The following XRCC4 variants were observed in gnomAD, a reference collection of about 807,000 sequenced individuals.
The protein encoded by XRCC4 is DNA repair protein XRCC4.
A neutral mutation model predicts 39.1 loss-of-function variants in XRCC4; 28 were observed. The observed-to-expected ratio is 0.72, with a 90% confidence interval of 0.53 to 0.98. The LOEUF is 0.98. XRCC4 is among the 50% of genes least tolerant of loss of function. The pLI is 0.00. For missense variants in XRCC4, 350 were observed against 376.4 expected, an observed-to-expected ratio of 0.93 and a Z score of 0.58; for synonymous variants, 123 against 126.4, an observed-to-expected ratio of 0.97 and a Z score of 0.18.
At chr5:83,135,124 A>G (rs1231830100) in intron 3 of XRCC4, among the ~76,000 whole-genome samples, 1 of 152,196 alleles carries the variant, frequency 6.6e-6, no homozygotes, top group Non-Finnish European at 1.5e-5. Flanking sequence ...ACCGTCTGTC[A>G]TGGCATCCCT....
At chr5:83,148,329 T>G (rs1468538621) in intron 3 of XRCC4, among the ~76,000 whole-genome samples, 1 of 152,188 alleles carries the variant, frequency 6.6e-6, no homozygotes, top group African/African-American at 2.4e-5. Flanking sequence ...TTCTTTCTGT[T>G]TTTTAGATAA....
intron 7 of XRCC4, among the ~76,000 whole-genome samples, chr5:83,351,607 G>A (rs1269570338): frequency 6.6e-6 from 1 of 152,074 alleles, no homozygotes; most frequent in Non-Finnish European, 1.5e-5. Flanking sequence ...TTAATTCCAT[G>A]TTACAATAAT....
chr5:83,250,856 A>C (rs28360219), intron 6 of XRCC4, among the ~76,000 whole-genome samples: 2 of 152,236 alleles, frequency 1.3e-5, no homozygotes, highest in Non-Finnish European at 2.9e-5. Context: ...ATATTTGACA[A>C]TGGAAAAGAA....
intron 7 of XRCC4, among the ~76,000 whole-genome samples, chr5:83,345,387 G>C (rs947576646): frequency 6.6e-6 from 1 of 152,034 alleles, no homozygotes; most frequent in African/African-American, 2.4e-5. Context: ...ATGCTTGTTT[G>C]ACTTCTGACA....
At chr5:83,173,629 A>G (rs1749826960) in intron 3 of XRCC4, among the ~76,000 whole-genome samples, 2 of 152,202 alleles carry the variant, frequency 1.3e-5, no homozygotes, top group East Asian at 3.8e-4. Flanking sequence ...AGAGTATGTT[A>G]GTCAGGGGAA....
At chr5:83,126,865 C>T (rs1039274098) in intron 3 of XRCC4, among the ~76,000 whole-genome samples, 2 of 152,200 alleles carry the variant, frequency 1.3e-5, no homozygotes, top group African/African-American at 4.8e-5. Flanking sequence ...AGATTATTCT[C>T]CAGCCTTATG....
intron 6 of XRCC4, among the ~76,000 whole-genome samples, chr5:83,234,097 A>G (rs1198118615): frequency 6.6e-6 from 1 of 152,126 alleles, no homozygotes; most frequent in East Asian, 1.9e-4. Flanking sequence ...GGAGAAAATT[A>G]GGTAATCTGC....
At chr5:83,244,797 T>C (rs1029756738) in intron 6 of XRCC4, among the ~76,000 whole-genome samples, 4 of 152,184 alleles carry the variant, frequency 2.6e-5, no homozygotes, top group African/African-American at 7.2e-5. Flanking sequence ...ATTTCTCTTC[T>C]TTCAGGAAGC....
chr5:83,367,538 G>A, the XRCC4 span, among the ~76,000 whole-genome samples: 2 of 152,092 alleles, frequency 1.3e-5, no homozygotes, highest in Middle Eastern at 3.2e-3. Flanking sequence ...CTCCCTGAAA[G>A]AGCTTCCTCA....
intron 6 of XRCC4, among the ~76,000 whole-genome samples, chr5:83,243,210 A>G (rs910134442): frequency 6.6e-6 from 1 of 152,236 alleles, no homozygotes; most frequent in African/African-American, 2.4e-5. Flanking sequence ...TTTCATAATG[A>G]TAAAGAAGGT....
intron 3 of XRCC4, among the ~76,000 whole-genome samples, chr5:83,191,471 G>A (rs978414838): frequency 6.6e-6 from 1 of 152,202 alleles, no homozygotes; most frequent in Admixed American, 6.5e-5. Flanking sequence ...TTGGGAGGCC[G>A]AGGTGGGCAG....
At chr5:83,186,397 C>G (rs1431196031) in intron 3 of XRCC4, among the ~76,000 whole-genome samples, 1 of 152,186 alleles carries the variant, frequency 6.6e-6, no homozygotes, top group East Asian at 1.9e-4. Context: ...CATCCAGCTC[C>G]TAGAGGCTTT....
chr5:83,133,925 C>T (rs1258967005), intron 3 of XRCC4, among the ~76,000 whole-genome samples: 1 of 152,184 alleles, frequency 6.6e-6, no homozygotes, highest in East Asian at 1.9e-4. Flanking sequence ...GAGCTGGCTC[C>T]CTCTGCTGGC....
At position 83,102,123 on chromosome 5, in the gene XRCC4, G is replaced by A. The variant is rs1303643899; in HGVS notation, c.-10-2787G>A. Among the ~76,000 whole-genome samples, 3 of 152,190 alleles carry A rather than the reference G, an allele frequency of 2.0e-5. No individual in the cohort carries two copies. In the East Asian group the frequency reaches 5.8e-4, roughly 29 times the overall value. ...ATTTCCTTGAAATTATAGAAGTGCAGTATTTAGGATGAAGTAATAGTCTTT... is the reference window on the plus strand; with the variant it reads ...ATTTCCTTGAAATTATAGAAGTGCAATATTTAGGATGAAGTAATAGTCTTT... On this transcript the variant is annotated intron_variant, in intron 1 of 7. Coordinates refer to ENST00000396027, the MANE Select transcript of XRCC4 (RefSeq NM_003401.5).
intron 3 of XRCC4, among the ~76,000 whole-genome samples, chr5:83,171,684 GC>G (rs1749732209): frequency 6.6e-6 from 1 of 152,062 alleles, no homozygotes; most frequent in African/African-American, 2.4e-5. Flanking sequence ...GACTTTGTAA[GC>G]CCTAGCCTGG....
chr5:83,195,973 A>T (rs773609122), intron 4 of XRCC4, 37 bp downstream of exon 4: 6 of 1,530,278 alleles, frequency 3.9e-6, no homozygotes. Context: ...AAAAATACGG[A>T]GCCCTCTTTA....
At chr5:83,188,524 A>G (rs1187898016) in intron 3 of XRCC4, among the ~76,000 whole-genome samples, 1 of 152,160 alleles carries the variant, frequency 6.6e-6, no homozygotes. Context: ...TGCTTTATAA[A>G]GAAAAGAGGT....
chr5:83,280,856 G>A (rs1754512391), intron 7 of XRCC4, among the ~76,000 whole-genome samples: 1 of 152,166 alleles, frequency 6.6e-6, no homozygotes, highest in Non-Finnish European at 1.5e-5. Context: ...AAAGCCAAAT[G>A]AAGTATGAGG....
At chr5:83,250,104 A>G (rs1753252368) in intron 6 of XRCC4, among the ~76,000 whole-genome samples, 1 of 152,172 alleles carries the variant, frequency 6.6e-6, no homozygotes, top group South Asian at 2.1e-4. Flanking sequence ...TATGAAAACA[A>G]TGAAGCTTTG....
Sources: gnomAD v4.1 joint callset for allele counts (sites outside exome capture counted in the v4.1 genomes callset) on GRCh38, gnomAD v4.1.1 for gene constraint, MANE v1.5 for transcripts, NCBI Gene and HGNC (gene_info 2026-07-23, HGNC 2026-07-21) for gene names.